The following MORN3 variants were observed in gnomAD, a reference collection of about 807,000 sequenced individuals.
MORN3 encodes the protein MORN repeat-containing protein 3.
In MORN3, 38 loss-of-function variants were observed where a neutral mutation model predicts 34.7. The ratio of observed to expected loss-of-function variants is 1.10; its 90% CI spans 0.85 to 1.44. MORN3 has a LOEUF of 1.44. Ranked by LOEUF, MORN3 falls within the 40% of genes most tolerant of loss-of-function variation. The probability of loss-of-function intolerance (pLI) is 0.00; values close to 1 mark genes in which losing one functional copy is unlikely to be tolerated. For missense variants in MORN3, 311 were observed against 321.7 expected, an observed-to-expected ratio of 0.97 and a Z score of 0.25; for synonymous variants, 109 against 115.3, an observed-to-expected ratio of 0.95 and a Z score of 0.35.
Position 121,651,282 on chromosome 12 carries a change from A to G in MORN3, c.*369T>C, listed in dbSNP as rs1555325041. ...GCCTAAGACCTGCCCTTACTCCCCC[A>G]AGCTAAACCCAGGCAGCCCAGCCAA... On this transcript the variant is annotated 3_prime_UTR_variant, in exon 6 of 6. Coordinates refer to ENST00000355329, the MANE Select transcript of MORN3 (RefSeq NM_173855.5). The G allele has an allele frequency of 1.3e-5, 2 of 152,112 alleles. No individual in the cohort carries two copies. Among genetic ancestry groups the G allele is most frequent in the African/African-American group, 4.8e-5 (2 of 41,386 alleles). The allele number at this position is 152,112 out of a possible 1,614,324, so 9.4% of individuals were successfully genotyped here.
chr12:121,665,179 G>GGCCTGT (rs929480283), intron 1 of MORN3, among the ~76,000 whole-genome samples: 1 of 151,450 alleles, frequency 6.6e-6, no homozygotes, highest in African/African-American at 2.4e-5. Context: ...CACAGTATAT[G>GGCCTGT]GCCTGTGCTG....
At chr12:121,670,025 C>T (rs1012427163), upstream of MORN3, among the ~76,000 whole-genome samples, 5 of 151,622 alleles carry the variant, frequency 3.3e-5, no homozygotes, top group Non-Finnish European at 1.5e-5. Context: ...AGGCGCCCAC[C>T]ACCACGCCTG....
At chr12:121,660,137 G>T (rs1385897798) in intron 1 of MORN3, among the ~76,000 whole-genome samples, 1 of 151,194 alleles carries the variant, frequency 6.6e-6, no homozygotes, top group Non-Finnish European at 1.5e-5. Flanking sequence ...AGGAAGCTGA[G>T]GCATGAGAAT....
rs183323264 is a variant in MORN3, at chr12:121,654,840, C to T, written c.304-407G>A. 1.8e-4 allele frequency among the ~76,000 whole-genome samples: 27 copies of T among 151,774 alleles called. No individual in the cohort carries two copies. The East Asian group carries it at 4.9e-3, about 28-fold the overall frequency. On this transcript the variant is annotated intron_variant, in intron 2 of 5. Coordinates refer to ENST00000355329, the MANE Select transcript of MORN3 (RefSeq NM_173855.5). Reference sequence around the variant, plus strand: ...CTTGAACTCCTGACTTCAAGTGATCCGCCCGCCTCAGCCTCCCAAAGTGCT... The same window carrying T: ...CTTGAACTCCTGACTTCAAGTGATCTGCCCGCCTCAGCCTCCCAAAGTGCT...
rs782293420 is a variant in MORN3 at position 121,654,254 on chromosome 12, G to T, written c.463+20C>A. 24 of 1,522,840 alleles carry T rather than the reference G, an allele frequency of 1.6e-5. No homozygotes were observed. The highest frequency in any genetic ancestry group is 1.9e-5 in the Non-Finnish European group (21 of 1,133,712). The allele number at this position is 1,522,840 out of a possible 1,614,324, so 94.3% of individuals were successfully genotyped here. On this transcript the variant is annotated intron_variant, in intron 3 of 5. Transcript: ENST00000355329. ...GGGGCGTGGTCGGGTGGGCGGGGCC[G>T]GCGGGGGTGGGGCACTCACTCAGGC...
At chr12:121,654,494 G>A (rs1594222263) in intron 2 of MORN3, 61 bp from the exon 3 acceptor site, 6 of 1,494,796 alleles carry the variant, frequency 4.0e-6, no homozygotes, top group Non-Finnish European at 5.4e-6. Flanking sequence ...AAAGCCCACC[G>A]TCTTCCCAGG....
chr12:121,667,022 G>A (rs113318983), intron 1 of MORN3, among the ~76,000 whole-genome samples: 1 of 144,244 alleles, frequency 6.9e-6, no homozygotes, highest in East Asian at 2.1e-4. Context: ...GTGCAATGGC[G>A]CAATCTCAGC....
At chr12:121,669,742 A>G, upstream of MORN3, 1 of 358,120 alleles carries the variant, frequency 2.8e-6, no homozygotes, top group South Asian at 2.9e-5. Flanking sequence ...TAGGGAAACC[A>G]GTAGAGCAGG....
chr12:121,652,404 T>A (rs1345845978), intron 5 of MORN3, among the ~76,000 whole-genome samples: 1 of 152,028 alleles, frequency 6.6e-6, no homozygotes, highest in Non-Finnish European at 1.5e-5. Flanking sequence ...TGGCTAACTT[T>A]TATATTTTTA....
chr12:121,657,134 A>AACTTGGCT (rs2136870994), intron 2 of MORN3, among the ~76,000 whole-genome samples: 1 of 152,268 alleles, frequency 6.6e-6, no homozygotes, highest in South Asian at 2.1e-4. Flanking sequence ...AAGCTGAACT[A>AACTTGGCT]ACTTTGGGAG....
intron 2 of MORN3, among the ~76,000 whole-genome samples, chr12:121,657,209 C>A (rs1555325780): frequency 6.6e-6 from 1 of 152,146 alleles, no homozygotes; most frequent in Non-Finnish European, 1.5e-5. Context: ...TCCTTCTTGC[C>A]TGGGGACTAG....
At chr12:121,668,653 G>A (rs1314718974) in intron 1 of MORN3, among the ~76,000 whole-genome samples, 2 of 152,166 alleles carry the variant, frequency 1.3e-5, no homozygotes, top group Non-Finnish European at 2.9e-5. Flanking sequence ...TCTCGAGGCT[G>A]CAGTGAGCTA....
chr12:121,658,692 G>GGA (rs1219600600), intron 2 of MORN3, among the ~76,000 whole-genome samples: 1 of 151,868 alleles, frequency 6.6e-6, no homozygotes, highest in Non-Finnish European at 1.5e-5. Context: ...CACACTTGTG[G>GGA]GAGTAGATGG....
chr12:121,658,788 C>A (rs1893489528), intron 2 of MORN3, among the ~76,000 whole-genome samples: 1 of 152,000 alleles, frequency 6.6e-6, no homozygotes, highest in African/African-American at 2.4e-5. Context: ...CCTCTCCTGT[C>A]CCCTGCTCTC....
chr12:121,666,076 TC>T (rs1367814281), intron 1 of MORN3, among the ~76,000 whole-genome samples: 1 of 152,088 alleles, frequency 6.6e-6, no homozygotes, highest in African/African-American at 2.4e-5. Context: ...ACACTTGTAA[TC>T]CCAGAACTTT....
At chr12:121,659,773 G>A (rs1053258849) in intron 1 of MORN3, among the ~76,000 whole-genome samples, 1 of 151,804 alleles carries the variant, frequency 6.6e-6, no homozygotes, top group Non-Finnish European at 1.5e-5. Context: ...CAAGTGATAT[G>A]CCCACCTCGG....
intron 1 of MORN3, among the ~76,000 whole-genome samples, chr12:121,666,222 A>G (rs1893750236): frequency 6.6e-6 from 1 of 151,820 alleles, no homozygotes; most frequent in South Asian, 2.1e-4. Flanking sequence ...GGGTCTCGCT[A>G]TATTGCCCAA....
chr12:121,657,569 G>A lies in MORN3; in HGVS notation c.303+1622C>T, dbSNP rs1021077279. Among the ~76,000 whole-genome samples the A allele has an allele frequency of 1.3e-4, 20 of 152,134 alleles. 1 individual carries two copies. Among genetic ancestry groups the A allele is most frequent in the Admixed American group, 7.9e-4 (12 of 15,264 alleles). On this transcript the variant is annotated intron_variant, in intron 2 of 5. Transcript: ENST00000355329. ...AGAATGTTCCGGGAGACTGATTTGA[G>A]TAATAATACAACCCAGGGCCAGGCG...
rs1893290719 is a variant in MORN3, at chr12:121,652,809, C to G, written c.649-1G>C. Reference sequence around the variant, plus strand: ...CACCATCAGGGTCTAGGATTTTGACCTGGAGGGAAATACCAAGAAGTTGGT... The same window carrying G: ...CACCATCAGGGTCTAGGATTTTGACGTGGAGGGAAATACCAAGAAGTTGGT... On this transcript the variant is annotated splice_acceptor_variant, in intron 4 of 5. Coordinates refer to ENST00000355329, the MANE Select transcript of MORN3 (RefSeq NM_173855.5). LOFTEE classifies it high-confidence loss of function. The G allele has an allele frequency of 6.2e-7, 1 of 1,614,220 alleles. No individual in the cohort carries two copies. Among genetic ancestry groups the G allele is most frequent in the Non-Finnish European group, 8.5e-7 (1 of 1,180,036 alleles).
Sources: allele counts gnomAD v4.1 joint callset (sites outside exome capture counted in the v4.1 genomes callset), GRCh38; gene constraint gnomAD v4.1.1; transcripts MANE v1.5; gene names NCBI Gene and HGNC (gene_info 2026-07-23, HGNC 2026-07-21).